The following AK9 variants were observed in gnomAD, a reference collection of about 807,000 sequenced individuals.
AK9 encodes adenylate kinase 9.
In AK9, 191 loss-of-function variants were observed where a neutral mutation model predicts 239.6. The ratio of observed to expected loss-of-function variants is 0.80; its 90% confidence interval spans 0.71 to 0.90. The LOEUF is 0.90. Among genes scored for constraint, AK9 ranks in the 40% least tolerant of loss-of-function variants. The pLI is 0.00. For synonymous variants in AK9, 689 were observed against 721.0 expected (o/e 0.96, Z 0.71); for missense variants, 1,995 against 2,214.7 (o/e 0.90, Z 1.99).
intron 25 of AK9, 124 bp downstream of exon 25, chr6:109,549,966 G>C (rs905508235): frequency 9.1e-7 from 1 of 1,097,088 alleles, no homozygotes; most frequent in Non-Finnish European, 1.3e-6. Context: ...GCCCGGCCTA[G>C]ATATTTTCTT....
At chr6:109,586,730 C>T (rs904353152) in intron 17 of AK9, among the ~76,000 whole-genome samples, 5 of 152,130 alleles carry the variant, frequency 3.3e-5, no homozygotes, top group African/African-American at 1.2e-4. Context: ...AACAACAAAA[C>T]AAACTTTGCA....
intron 12 of AK9, chr6:109,631,995 A>G (rs1796130378): frequency 9.3e-6 from 2 of 214,042 alleles, no homozygotes; most frequent in Admixed American, 6.5e-5. Flanking sequence ...ATGCCATAAA[A>G]TTCTGGGCAG....
intron 7 of AK9, 59 bp from the exon 8 acceptor site, chr6:109,656,943 GC>G: frequency 1.3e-6 from 2 of 1,582,606 alleles, no homozygotes; most frequent in Non-Finnish European, 1.7e-6. Context: ...CAATTTACAA[GC>G]CATATTCCCC....
rs757057554 is a variant in AK9, at chr6:109,493,375, A to G, written c.5730T>C (p.Asn1910=). ...FLSLRNIDPI[N]G ...CTGCTATCACCTAAGTAAACTACCC[A>G]TTAATTGGGTCTATATTTCTGAGAG... Residue 1910 remains asparagine, a synonymous_variant, in exon 41 of 41, where the codon AAT becomes AAC. Transcript: ENST00000424296. The G allele has an allele frequency of 1.2e-6, 2 of 1,613,156 alleles. No individual in the cohort carries two copies. Among genetic ancestry groups the G allele is most frequent in the African/African-American group, 1.3e-5 (1 of 74,918 alleles).
chr6:109,630,389 T>C (rs1012820620), intron 12 of AK9, among the ~76,000 whole-genome samples: 5 of 152,114 alleles, frequency 3.3e-5, no homozygotes, highest in Admixed American at 6.5e-5. Context: ...TCTCAAAAGA[T>C]TTTTCTACAT....
At chr6:109,533,910 G>C (rs549214233) in intron 27 of AK9, among the ~76,000 whole-genome samples, 1 of 152,006 alleles carries the variant, frequency 6.6e-6, no homozygotes, top group African/African-American at 2.4e-5. Context: ...GTTTGGGAGC[G>C]GTGCCCAGCC....
At chr6:109,509,648 G>A (rs1188176694) in intron 32 of AK9, among the ~76,000 whole-genome samples, 7 of 152,118 alleles carry the variant, frequency 4.6e-5, no homozygotes, top group Non-Finnish European at 8.8e-5. Context: ...CTTAAACTGC[G>A]GCTATGGGTC....
chr6:109,515,842 G>T lies in AK9; in HGVS notation c.4065+15C>A. The T allele has an allele frequency of 1.3e-6, 2 of 1,529,200 alleles. No individual in the cohort carries two copies. Among genetic ancestry groups the T allele is most frequent in the Non-Finnish European group, 1.8e-6 (2 of 1,128,766 alleles). The allele number at this position is 1,529,200 out of a possible 1,614,324, so 94.7% of individuals were successfully genotyped here. The stretch of plus-strand genomic sequence containing the variant: ...AATAAGGAACATGGCTTTCAGGTGC[G>T]TTTGCTGAAATTACCTTTACAGGGT... On this transcript the variant is annotated intron_variant, in intron 31 of 40. Transcript: ENST00000424296.
chr6:109,495,187 A>T, intron 39 of AK9, 151 bp downstream of exon 39: 1 of 554,698 alleles, frequency 1.8e-6, no homozygotes, highest in Non-Finnish European at 3.0e-6. Flanking sequence ...TTTAACCACT[A>T]CATATAAACA....
chr6:109,549,659 A>ATTTTTTTTTTTTTTTT (rs1562391021), intron 25 of AK9: 1 of 110,332 alleles, frequency 9.1e-6, no homozygotes, highest in African/African-American at 3.1e-5. Context: ...GAACTTAGAT[A>ATTTTTTTTTTTTTTTT]TTTTCTTTTT....
At chr6:109,497,373 C>T (rs961242841) in intron 38 of AK9, 92 bp downstream of exon 38, 4 of 762,524 alleles carry the variant, frequency 5.2e-6, no homozygotes, top group Non-Finnish European at 9.0e-6. Flanking sequence ...CTCTCTCTCT[C>T]TCTCTCTCTC....
intron 32 of AK9, among the ~76,000 whole-genome samples, chr6:109,511,059 T>TC (rs1778687094): frequency 7.5e-6 from 1 of 132,752 alleles, no homozygotes; most frequent in African/African-American, 3.1e-5. Flanking sequence ...CAAATCTGCT[T>TC]GTTTTTTTTT....
At chr6:109,511,101 G>A (rs1778698519) in intron 32 of AK9, among the ~76,000 whole-genome samples, 1 of 148,162 alleles carries the variant, frequency 6.7e-6, no homozygotes, top group African/African-American at 2.5e-5. Context: ...AATTTTAAGG[G>A]TTTTCTTTTT....
chr6:109,587,761 G>A (rs1180590432), intron 17 of AK9, among the ~76,000 whole-genome samples: 1 of 152,150 alleles, frequency 6.6e-6, no homozygotes, highest in African/African-American at 2.4e-5. Flanking sequence ...GCATACTAGT[G>A]CAGGTGTCTT....
At chr6:109,683,151 T>G (rs1318866266) in intron 1 of AK9, among the ~76,000 whole-genome samples, 1 of 152,160 alleles carries the variant, frequency 6.6e-6, no homozygotes, top group Non-Finnish European at 1.5e-5. Context: ...CAAAACCACA[T>G]GATTATCTCA....
intron 15 of AK9, among the ~76,000 whole-genome samples, chr6:109,613,486 C>G (rs1021556516): frequency 1.3e-5 from 2 of 151,776 alleles, no homozygotes; most frequent in Non-Finnish European, 2.9e-5. Context: ...ACTGGGGAAA[C>G]ATAATTTGGA....
chr6:109,683,129 T>C (rs907979590), intron 1 of AK9, among the ~76,000 whole-genome samples: 2 of 152,028 alleles, frequency 1.3e-5, no homozygotes, highest in African/African-American at 2.4e-5. Context: ...ATCACATAAA[T>C]AGAACCAATG....
At chr6:109,566,065 A>G (rs1486098094) in intron 21 of AK9, among the ~76,000 whole-genome samples, 1 of 152,124 alleles carries the variant, frequency 6.6e-6, no homozygotes, top group East Asian at 1.9e-4. Context: ...GGCTTAATCA[A>G]AGACTGCAAT....
chr6:109,600,128 G>C (rs1429786962), intron 17 of AK9, among the ~76,000 whole-genome samples: 1 of 152,132 alleles, frequency 6.6e-6, no homozygotes, highest in Non-Finnish European at 1.5e-5. Context: ...AATAGGAGTG[G>C]TGAGAGAGGG....
Sources: allele counts gnomAD v4.1 joint callset (sites outside exome capture counted in the v4.1 genomes callset), GRCh38; gene constraint gnomAD v4.1.1; transcripts MANE v1.5; gene names NCBI Gene and HGNC (gene_info 2026-07-23, HGNC 2026-07-21).